Variants in DENND1A observed in about 807,000 individuals in gnomAD.
DENND1A encodes DENN domain-containing protein 1A.
DENND1A carries 51 observed loss-of-function variants against 113.7 expected under a neutral mutation model. The observed-to-expected ratio is 0.45, with a 90% confidence interval of 0.36 to 0.57. The LOEUF (loss-of-function observed/expected upper bound fraction) is 0.57. Among genes scored for constraint, DENND1A ranks in the 20% least tolerant of loss-of-function variants. DENND1A has a pLI of 0.00. For missense variants in DENND1A, 1,258 were observed against 1,395.9 expected (o/e 0.90, Z 1.57); for synonymous variants, 565 against 570.8 (o/e 0.99, Z 0.14).
chr9:123,902,805 G>GTT (rs35366223), intron 1 of DENND1A, among the ~76,000 whole-genome samples: 1 of 138,458 alleles, frequency 7.2e-6, no homozygotes, highest in South Asian at 2.3e-4. Context: ...AACAACAGCT[G>GTT]TTTTTTTTTT....
chr9:123,647,463 C>A (rs2062399470), intron 9 of DENND1A, among the ~76,000 whole-genome samples: 1 of 152,206 alleles, frequency 6.6e-6, no homozygotes, highest in African/African-American at 2.4e-5. Flanking sequence ...TAGTTCCTCA[C>A]CTGGCTTAAG....
At chr9:123,546,344 C>A (rs557167340) in intron 13 of DENND1A, among the ~76,000 whole-genome samples, 4 of 151,754 alleles carry the variant, frequency 2.6e-5, no homozygotes, top group South Asian at 2.1e-4. Context: ...GTCAGGAGAT[C>A]AAGACCATCC....
At chr9:123,662,675 A>G (rs1426468341) in intron 8 of DENND1A, among the ~76,000 whole-genome samples, 1 of 152,238 alleles carries the variant, frequency 6.6e-6, no homozygotes, top group African/African-American at 2.4e-5. Flanking sequence ...AGGGAGTGAA[A>G]TCAAGAATGA....
chr9:123,802,063 C>G (rs1834763424), intron 2 of DENND1A, among the ~76,000 whole-genome samples: 1 of 152,216 alleles, frequency 6.6e-6, no homozygotes, highest in South Asian at 2.1e-4. Flanking sequence ...GCCACAGGAA[C>G]AGCAAAACTG....
At chr9:123,859,249 C>G (rs1844719530) in intron 2 of DENND1A, among the ~76,000 whole-genome samples, 2 of 152,052 alleles carry the variant, frequency 1.3e-5, no homozygotes, top group East Asian at 3.8e-4. Flanking sequence ...TTCTGATGTC[C>G]TTTTAGTCAT....
At chr9:123,437,082 G>A (rs2046579045) in intron 19 of DENND1A, among the ~76,000 whole-genome samples, 1 of 152,138 alleles carries the variant, frequency 6.6e-6, no homozygotes, top group South Asian at 2.1e-4. Flanking sequence ...GCCTCTGGGG[G>A]GCCCTGGGAG....
At chr9:123,784,077 G>C (rs1053211758) in intron 3 of DENND1A, among the ~76,000 whole-genome samples, 3 of 152,050 alleles carry the variant, frequency 2.0e-5, no homozygotes, top group African/African-American at 7.2e-5. Context: ...AAGCCAGTTT[G>C]GACAAAAAAT....
At chr9:123,499,167 G>A (rs995272882) in intron 13 of DENND1A, among the ~76,000 whole-genome samples, 1 of 152,050 alleles carries the variant, frequency 6.6e-6, no homozygotes, top group African/African-American at 2.4e-5. Context: ...CCGAGTAGCT[G>A]GGATTACAGG....
At chr9:123,825,495 T>G (rs1358461778) in intron 2 of DENND1A, among the ~76,000 whole-genome samples, 1 of 152,176 alleles carries the variant, frequency 6.6e-6, no homozygotes, top group Non-Finnish European at 1.5e-5. Flanking sequence ...GATCCTGAAA[T>G]GTCAATGGTT....
chr9:123,748,623 G>GTCCC, intron 5 of DENND1A, among the ~76,000 whole-genome samples: 1 of 152,280 alleles, frequency 6.6e-6, no homozygotes, highest in Non-Finnish European at 1.5e-5. Context: ...TAGCTTAGAA[G>GTCCC]CAAAGGGCAA....
intron 13 of DENND1A, among the ~76,000 whole-genome samples, chr9:123,498,517 C>G (rs769639417): frequency 2.0e-5 from 3 of 152,238 alleles, no homozygotes; most frequent in Non-Finnish European, 4.4e-5. Flanking sequence ...TTCTTTTACT[C>G]TGTACCATGT....
At chr9:123,720,791 A>T (rs764773955) in intron 5 of DENND1A, among the ~76,000 whole-genome samples, 1 of 152,218 alleles carries the variant, frequency 6.6e-6, no homozygotes, top group Non-Finnish European at 1.5e-5. Context: ...GGCTGCCTCC[A>T]TCTTGCTGGG....
At chr9:123,801,243 T>A in intron 2 of DENND1A, among the ~76,000 whole-genome samples, 1 of 152,224 alleles carries the variant, frequency 6.6e-6, no homozygotes, top group East Asian at 1.9e-4. Context: ...TGTGCCACAA[T>A]CACCACTATC....
chr9:123,867,858 T>C (rs1845999185), intron 2 of DENND1A, among the ~76,000 whole-genome samples: 1 of 152,186 alleles, frequency 6.6e-6, no homozygotes, highest in Non-Finnish European at 1.5e-5. Flanking sequence ...CAAGATACTG[T>C]AAGACACTCT....
intron 13 of DENND1A, among the ~76,000 whole-genome samples, chr9:123,552,530 C>T (rs1025555626): frequency 6.6e-6 from 1 of 152,216 alleles, no homozygotes; most frequent in Non-Finnish European, 1.5e-5. Context: ...CATGACCCCA[C>T]CTCCACCTCC....
intron 19 of DENND1A, among the ~76,000 whole-genome samples, chr9:123,429,638 G>A (rs931047305): frequency 2.9e-4 from 44 of 152,198 alleles, no homozygotes; most frequent in African/African-American, 7.2e-4. Flanking sequence ...AGTGGCTAGC[G>A]ATATGCAGAA....
intron 17 of DENND1A, among the ~76,000 whole-genome samples, 197 bp from the exon 18 acceptor site, chr9:123,450,946 G>A (rs1443149799): frequency 6.6e-6 from 1 of 152,098 alleles, no homozygotes; most frequent in African/African-American, 2.4e-5. Flanking sequence ...TAAAGAGGCT[G>A]CAGAGATTTT....
rs1012976701 is a variant in DENND1A at position 123,503,048 on chromosome 9, T to C, written c.994-45151A>G. 2.0e-5 allele frequency among the ~76,000 whole-genome samples: 3 copies of C among 152,192 alleles called. No individual in the cohort carries two copies. In the East Asian group the frequency reaches 5.8e-4, roughly 29 times the overall value. On this transcript the variant is annotated intron_variant, in intron 13 of 23. Coordinates refer to ENST00000394215, the MANE Select transcript of DENND1A (RefSeq NM_001352964.2). ...AGCAGGGATAATACCACTCACCTCTTAGGCTTTTTGGGGAGAGTACATTAA... is the reference window on the plus strand; with the variant it reads ...AGCAGGGATAATACCACTCACCTCTCAGGCTTTTTGGGGAGAGTACATTAA...
Position 123,457,784 on chromosome 9 carries a change from G to T in DENND1A, c.1098+9C>A, listed in dbSNP as rs188339485. 10,164 of 1,603,250 alleles carry T rather than the reference G, an allele frequency of 6.3e-3. 48 individuals are homozygous for T. Among genetic ancestry groups the T allele is most frequent in the Non-Finnish European group, 7.7e-3 (8,991 of 1,174,976 alleles). ...AGCCAGACCCAGGCCAGACCAGGGA[G>T]GGAGGCACCTGCTTGAAGAGCTGCA... On this transcript the variant is annotated intron_variant, in intron 14 of 23. Transcript: ENST00000394215.
Sources: gnomAD v4.1 joint callset for allele counts (sites outside exome capture counted in the v4.1 genomes callset) on GRCh38, gnomAD v4.1.1 for gene constraint, MANE v1.5 for transcripts, NCBI Gene and HGNC (gene_info 2026-07-23, HGNC 2026-07-21) for gene names.